CCDC192: variants seen among roughly 807,000 people sequenced by gnomAD.
CCDC192 encodes coiled-coil domain-containing protein 192.
At chr5:127,803,002 G>A (rs1457897859) in intron 5 of CCDC192, among the ~76,000 whole-genome samples, 1 of 151,834 alleles carries the variant, frequency 6.6e-6, no homozygotes, top group African/African-American at 2.4e-5. Flanking sequence ...GAAACAGAAG[G>A]AAAAAAATAG....
intron 5 of CCDC192, among the ~76,000 whole-genome samples, chr5:127,869,609 C>G (rs1331611067): frequency 1.3e-5 from 2 of 152,198 alleles, no homozygotes; most frequent in Non-Finnish European, 2.9e-5. Context: ...TAAATAAACA[C>G]TTATACAGGC....
chr5:127,917,607 G>C (rs1753560447), intron 6 of CCDC192, among the ~76,000 whole-genome samples: 1 of 152,148 alleles, frequency 6.6e-6, no homozygotes, highest in Non-Finnish European at 1.5e-5. Context: ...AGAAGAGGGA[G>C]AAAGATGGGG....
chr5:127,816,226 C>T (rs1483643693), intron 5 of CCDC192, among the ~76,000 whole-genome samples: 2 of 152,084 alleles, frequency 1.3e-5, no homozygotes, highest in East Asian at 3.9e-4. Context: ...TAGCATTAAA[C>T]ATTACAAAGG....
At chr5:127,812,935 TTATCTC>T (rs1758159272) in intron 5 of CCDC192, among the ~76,000 whole-genome samples, 1 of 152,216 alleles carries the variant, frequency 6.6e-6, no homozygotes. Flanking sequence ...TCCTACCTGT[TTATCTC>T]TAACTCTTGC....
intron 6 of CCDC192, among the ~76,000 whole-genome samples, chr5:127,917,182 C>T (rs1753546542): frequency 6.6e-6 from 1 of 152,234 alleles, no homozygotes. Flanking sequence ...TCAGCTTCCT[C>T]ACCTCTCTCA....
In CCDC192 at chr5:127,907,043, GT is replaced by G. The variant is rs11345003; in HGVS notation, c.535+31390del. Among the ~76,000 whole-genome samples the G allele has an allele frequency of 3.8e-3, 580 of 151,528 alleles. 1 individual carries two copies. Among genetic ancestry groups the G allele is most frequent in the African/African-American group, 0.013 (547 of 41,288 alleles). On this transcript the variant is annotated intron_variant, in intron 6 of 6. Transcript: ENST00000514853. ...GGTTTTTGTTTTTTTGTTTGGTTGG[GT>G]TTTTTTTCACGATAGCCATCCTAAC...
At chr5:127,832,819 G>A (rs554317526) in intron 5 of CCDC192, among the ~76,000 whole-genome samples, 2 of 152,182 alleles carry the variant, frequency 1.3e-5, no homozygotes, top group East Asian at 1.9e-4. Flanking sequence ...ATTCCCTGGA[G>A]CATGGGCATC....
At chr5:127,903,307 A>G (rs913993964) in intron 6 of CCDC192, among the ~76,000 whole-genome samples, 8 of 151,452 alleles carry the variant, frequency 5.3e-5, no homozygotes, top group Admixed American at 2.0e-4. Context: ...CAATGGCGCA[A>G]TCTCGGCACA....
At chr5:127,859,379 T>G (rs1009547350) in intron 5 of CCDC192, among the ~76,000 whole-genome samples, 1 of 152,228 alleles carries the variant, frequency 6.6e-6, no homozygotes. Flanking sequence ...GTTCCCCTTC[T>G]GATTCTTATG....
At chr5:127,924,189 C>G (rs1753806689) in intron 6 of CCDC192, among the ~76,000 whole-genome samples, 1 of 152,198 alleles carries the variant, frequency 6.6e-6, no homozygotes, top group Admixed American at 6.5e-5. Context: ...ATTTTTGGCA[C>G]ACTTTATCAT....
chr5:127,767,355 C>T lies in CCDC192; in HGVS notation c.222+12980C>T, dbSNP rs192962390. Among the ~76,000 whole-genome samples the T allele has an allele frequency of 4.6e-5, 7 of 152,234 alleles. No individual in the cohort carries two copies. The East Asian group carries it at 9.6e-4, about 21-fold the overall frequency. On this transcript the variant is annotated intron_variant, in intron 3 of 6. Transcript: ENST00000514853. ...TACCGTGGGGAGAGATCTTCGAGAACGGTTGTGTAACTACAGGTGAGGACT... is the reference window on the plus strand; with the variant it reads ...TACCGTGGGGAGAGATCTTCGAGAATGGTTGTGTAACTACAGGTGAGGACT...
intron 6 of CCDC192, among the ~76,000 whole-genome samples, chr5:127,939,049 T>C (rs1347909235): frequency 6.6e-6 from 1 of 152,210 alleles, no homozygotes; most frequent in African/African-American, 2.4e-5. Context: ...TAAATGCTTT[T>C]TTGAAATTTG....
At chr5:127,880,928 C>T (rs981001027) in intron 6 of CCDC192, among the ~76,000 whole-genome samples, 2 of 151,968 alleles carry the variant, frequency 1.3e-5, no homozygotes, top group African/African-American at 2.4e-5. Flanking sequence ...TGCAGTGAGC[C>T]GAGATTGCAC....
At chr5:127,813,450 A>T (rs912956892) in intron 5 of CCDC192, among the ~76,000 whole-genome samples, 3 of 152,230 alleles carry the variant, frequency 2.0e-5, no homozygotes, top group African/African-American at 7.2e-5. Flanking sequence ...TTTAAAATTT[A>T]AGTAACTGCT....
At chr5:127,829,789 A>G (rs245313) in intron 5 of CCDC192, among the ~76,000 whole-genome samples, 54,068 of 151,952 alleles carry the variant, frequency 0.36, 9,910 homozygotes, top group South Asian at 0.46. Flanking sequence ...ATACAGCTCA[A>G]GGACGTGGCA....
intron 3 of CCDC192, among the ~76,000 whole-genome samples, chr5:127,756,298 G>T (rs1016372920): frequency 3.3e-5 from 5 of 152,168 alleles, no homozygotes; most frequent in Admixed American, 2.0e-4. Flanking sequence ...TCACAGAGCC[G>T]CAGAGCCGGC....
At chr5:127,747,718 C>T (rs1218890117) in intron 2 of CCDC192, among the ~76,000 whole-genome samples, 2 of 151,234 alleles carry the variant, frequency 1.3e-5, no homozygotes, top group Non-Finnish European at 2.9e-5. Context: ...TTTACAGTCC[C>T]ACCAACAGTG....
intron 6 of CCDC192, among the ~76,000 whole-genome samples, chr5:127,929,892 G>A (rs985971974): frequency 1.3e-5 from 2 of 152,102 alleles, no homozygotes; most frequent in Admixed American, 6.5e-5. Flanking sequence ...TTTGACACTA[G>A]TGCAACATGC....
At chr5:127,747,771 G>T (rs1194781664) in intron 2 of CCDC192, among the ~76,000 whole-genome samples, 2 of 146,690 alleles carry the variant, frequency 1.4e-5, no homozygotes, top group African/African-American at 5.0e-5. Flanking sequence ...AGCACCTGTT[G>T]TTTCCTGACT....
Sources: gnomAD v4.1 joint callset for allele counts (sites outside exome capture counted in the v4.1 genomes callset) on GRCh38, gnomAD v4.1.1 for gene constraint, MANE v1.5 for transcripts, NCBI Gene and HGNC (gene_info 2026-07-23, HGNC 2026-07-21) for gene names.